Variants in TEX14 observed in about 807,000 individuals in gnomAD.
TEX14 encodes the protein inactive serine/threonine-protein kinase TEX14.
Under a neutral mutation model 178.6 loss-of-function variants are expected in TEX14, and 168 were observed. That is an observed-to-expected ratio of 0.94 (90% CI 0.83 to 1.07). TEX14 has a LOEUF of 1.07. TEX14 is among the 50% of genes least tolerant of loss of function. The pLI is 0.00. For missense variants in TEX14, 1,730 were observed against 1,753.6 expected, an observed-to-expected ratio of 0.99 and a Z score of 0.24; for synonymous variants, 626 against 634.1, an observed-to-expected ratio of 0.99 and a Z score of 0.19.
rs773897845 is a variant in TEX14, at chr17:58,569,146, T to C, written c.3886+46A>G. 26 of 1,498,814 alleles carry C rather than the reference T, an allele frequency of 1.7e-5. No individual in the cohort carries two copies. The highest frequency in any genetic ancestry group is 4.1e-5 in the African/African-American group (3 of 72,454). The allele number at this position is 1,498,814 out of a possible 1,614,324, so 92.8% of individuals were successfully genotyped here. Reference sequence around the variant, plus strand: ...AGACACCATACTGTGGTCAGTGACATAACTAACAGGGCCGAGAAGTATATT... The same window carrying C: ...AGACACCATACTGTGGTCAGTGACACAACTAACAGGGCCGAGAAGTATATT... On this transcript the variant is annotated intron_variant, in intron 26 of 31. Coordinates refer to ENST00000349033, the MANE Select transcript of TEX14 (RefSeq NM_031272.5). This position sits in a 1 kb window ranked among gnomAD's most constrained non-coding sequence, Gnocchi z 4.1.
chr17:58,672,898 AT>A (rs1419658717), intron 1 of TEX14, among the ~76,000 whole-genome samples: 11 of 141,528 alleles, frequency 7.8e-5, no homozygotes, highest in African/African-American at 2.9e-4. Flanking sequence ...TGCCTGACTA[AT>A]TTTTGTATTT....
Position 58,579,731 on chromosome 17 carries a change from TC to T in TEX14, c.3172-1del. ...AAGTCCTCTTCTATGGGACTCGAGGTCTAAAAAAGAACAAAAGAAAAGCAAA... is the reference window on the plus strand; with the variant it reads ...AAGTCCTCTTCTATGGGACTCGAGGTTAAAAAAGAACAAAAGAAAAGCAAA... On this transcript the variant is annotated splice_acceptor_variant, in intron 19 of 31. Coordinates refer to ENST00000349033, the MANE Select transcript of TEX14 (RefSeq NM_031272.5). LOFTEE classifies it high-confidence loss of function. 1 of 1,612,606 alleles carries T rather than the reference TC, an allele frequency of 6.2e-7. No individual in the cohort carries two copies. The highest frequency in any genetic ancestry group is 8.5e-7 in the Non-Finnish European group (1 of 1,179,208).
At chr17:58,643,334 C>G (rs2046616675) in intron 2 of TEX14, among the ~76,000 whole-genome samples, 1 of 152,160 alleles carries the variant, frequency 6.6e-6, no homozygotes, top group Non-Finnish European at 1.5e-5. Context: ...GCTCAGATAT[C>G]CAGCTTCTAC....
intron 1 of TEX14, among the ~76,000 whole-genome samples, chr17:58,674,402 G>T (rs181961262): frequency 1.9e-4 from 29 of 152,252 alleles, no homozygotes; most frequent in African/African-American, 7.0e-4. Flanking sequence ...AGGCGCAGTG[G>T]CTCACGCCTG....
chr17:58,565,884 C>T (rs1042065226), intron 26 of TEX14, 60 bp from the exon 27 acceptor site: 3 of 1,360,496 alleles, frequency 2.2e-6, no homozygotes, highest in Non-Finnish European at 3.1e-6. Context: ...CTGCCGTTCT[C>T]TAGAGCAGTG....
At chr17:58,565,000 G>T in intron 27 of TEX14, 32 bp from the exon 28 acceptor site, 1 of 1,402,066 alleles carries the variant, frequency 7.1e-7, no homozygotes, top group South Asian at 1.2e-5. Flanking sequence ...AACTTTATTA[G>T]AACGAAAAAA....
chr17:58,605,031 G>A lies in TEX14; in HGVS notation c.1283C>T (p.Thr428Ile). ...AAAGCTGTAGATGTCTGATTTCACT[G>A]TGGCTGCCTTCTGTAAGATCACTTC... ...APEVILQKAA[T>I]VKSDIYSFSM... is the part of the protein sequence containing the mutation. The change falls in exon 11 of 32, where the codon ACA (threonine) becomes ATA (isoleucine). Residue 428 changes from threonine (T) to isoleucine (I), a missense_variant. Physicochemically the swap from Thr to Ile is moderately conservative, Grantham distance 89. This residue lies in a region of TEX14 where 789 missense variants were observed against 681.2 expected (regional missense o/e 1.16). Coordinates refer to ENST00000349033, the MANE Select transcript of TEX14 (RefSeq NM_031272.5). 7 of 1,614,166 alleles carry A rather than the reference G, an allele frequency of 4.3e-6. No individual in the cohort carries two copies. The highest frequency in any genetic ancestry group is 5.9e-6 in the Non-Finnish European group (7 of 1,180,024).
intron 2 of TEX14, among the ~76,000 whole-genome samples, chr17:58,649,920 A>G (rs962756162): frequency 5.3e-5 from 8 of 151,826 alleles, no homozygotes; most frequent in Admixed American, 3.3e-4. Context: ...TTGTATTTTT[A>G]GTAGAAATGG....
At chr17:58,595,403 G>T (rs1051304413) in intron 14 of TEX14, among the ~76,000 whole-genome samples, 2 of 152,058 alleles carry the variant, frequency 1.3e-5, no homozygotes, top group Admixed American at 6.6e-5. Flanking sequence ...ACCCTGCCAC[G>T]CCTCCTATAA....
At chr17:58,604,529 T>A (rs541649706) in intron 11 of TEX14, among the ~76,000 whole-genome samples, 7 of 151,482 alleles carry the variant, frequency 4.6e-5, no homozygotes, top group African/African-American at 1.7e-4. Flanking sequence ...AAATGCATCA[T>A]CACTGACAAG....
intron 3 of TEX14, among the ~76,000 whole-genome samples, chr17:58,629,060 A>G (rs965691480): frequency 8.5e-5 from 13 of 152,160 alleles, no homozygotes; most frequent in African/African-American, 2.9e-4. Flanking sequence ...GGTTCTGTTT[A>G]ATGGGAACTG....
intron 1 of TEX14, chr17:58,660,916 C>A: frequency 2.3e-6 from 2 of 875,108 alleles, no homozygotes; most frequent in Non-Finnish European, 4.0e-6. Flanking sequence ...AAGTGGATGC[C>A]TCTCTTGAAG....
At position 58,599,680 on chromosome 17, in the gene TEX14, C is replaced by T. The variant is rs1473501114; in HGVS notation, c.1679-14G>A. On this transcript the variant is annotated splice_polypyrimidine_tract_variant and intron_variant, in intron 13 of 31. Transcript: ENST00000349033. The stretch of plus-strand genomic sequence containing the variant: ...GAGGTTGACTGCCTATTGAAAAAAA[C>T]AGCAAAATGCAACTCATTAAAATGA... 1 of 1,597,702 alleles carries T rather than the reference C, an allele frequency of 6.3e-7. No homozygotes were observed. Among genetic ancestry groups the T allele is most frequent in the Non-Finnish European group, 8.5e-7 (1 of 1,172,560 alleles).
At chr17:58,678,167 G>T (rs2047426941) in intron 1 of TEX14, among the ~76,000 whole-genome samples, 1 of 152,056 alleles carries the variant, frequency 6.6e-6, no homozygotes, top group Non-Finnish European at 1.5e-5. Flanking sequence ...AAAAAAAAGG[G>T]AAGTTTTTAG....
chr17:58,645,387 C>G (rs1237496283), intron 2 of TEX14, among the ~76,000 whole-genome samples: 2 of 150,792 alleles, frequency 1.3e-5, no homozygotes, highest in Non-Finnish European at 2.9e-5. Flanking sequence ...GAGACGGAGT[C>G]TCACTCTGCT....
At chr17:58,565,702 A>G (rs767439561) in intron 27 of TEX14, 45 bp downstream of exon 27, 52 of 1,426,906 alleles carry the variant, frequency 3.6e-5, no homozygotes, top group Non-Finnish European at 4.8e-5. Flanking sequence ...TGCCAAGGAC[A>G]GCGTTAAAAG....
chr17:58,648,178 C>T (rs575172836), intron 2 of TEX14: 11 of 152,404 alleles, frequency 7.2e-5, no homozygotes, highest in African/African-American at 2.4e-4. Flanking sequence ...GCTGATGCCC[C>T]GTGTAGCTTC....
chr17:58,622,201 C>T (rs1015502817), intron 4 of TEX14, among the ~76,000 whole-genome samples: 1 of 152,206 alleles, frequency 6.6e-6, no homozygotes, highest in Non-Finnish European at 1.5e-5. Flanking sequence ...AATTCCAGCA[C>T]TTTGGGAGGC....
chr17:58,578,877 A>C (rs1347509794), intron 20 of TEX14, among the ~76,000 whole-genome samples: 1 of 152,252 alleles, frequency 6.6e-6, no homozygotes, highest in Non-Finnish European at 1.5e-5. Context: ...CAGTGGAAGA[A>C]GGGAGTAAGT....
Sources: gnomAD v4.1 joint callset for allele counts (sites outside exome capture counted in the v4.1 genomes callset) on GRCh38, gnomAD v4.1.1 for gene constraint, gnomAD v4.1.1 regional missense constraint, Gnocchi (gnomAD v3.1) non-coding constraint, MANE v1.5 for transcripts, NCBI Gene and HGNC (gene_info 2026-07-23, HGNC 2026-07-21) for gene names.